GRIA1: variants seen among roughly 807,000 people sequenced by gnomAD.
GRIA1 encodes glutamate receptor 1.
GRIA1 carries 31 observed loss-of-function variants against 99.2 expected under a neutral mutation model. That is an observed-to-expected ratio of 0.31 (90% CI 0.23 to 0.42). The LOEUF (loss-of-function observed/expected upper bound fraction) is 0.42. GRIA1 is among the 10% of genes least tolerant of loss of function. The pLI is 1.00. For synonymous variants in GRIA1, 438 were observed against 432.4 expected (o/e 1.01, Z -0.16); for missense variants, 782 against 1,157.5 (o/e 0.68, Z 4.71).
rs893174548 is a variant in GRIA1, at chr5:153,727,187, C to CG, written c.1823+21120_1823+21121insG. Among the ~76,000 whole-genome samples the CG allele has an allele frequency of 1.2e-4, 18 of 152,250 alleles. No homozygotes were observed. In the South Asian group the frequency reaches 3.3e-3, roughly 28 times the overall value. ...AAAGGCCTTTGACAAAATTCAACAACCTTCATGCTAAAAACTATCAATAAA... is the reference window on the plus strand; with the variant it reads ...AAAGGCCTTTGACAAAATTCAACAACGCTTCATGCTAAAAACTATCAATAAA... On this transcript the variant is annotated intron_variant, in intron 11 of 15. Coordinates refer to ENST00000285900, the MANE Select transcript of GRIA1 (RefSeq NM_000827.4).
intron 13 of GRIA1, among the ~76,000 whole-genome samples, chr5:153,786,423 A>C (rs1764967761): frequency 6.6e-6 from 1 of 151,796 alleles, no homozygotes; most frequent in Non-Finnish European, 1.5e-5. Context: ...ATAACCCTTT[A>C]TTTTAAAATC....
intron 13 of GRIA1, among the ~76,000 whole-genome samples, chr5:153,773,172 A>G (rs993698741): frequency 1.2e-4 from 19 of 152,206 alleles, no homozygotes; most frequent in Admixed American, 4.6e-4. Context: ...CCCTTGCAAC[A>G]TGACTATGAA....
chr5:153,698,748 AG>A (rs1758299956), intron 9 of GRIA1, 118 bp from the exon 10 acceptor site: 1 of 686,390 alleles, frequency 1.5e-6, no homozygotes, highest in East Asian at 2.6e-5. Flanking sequence ...AAGTGAATTG[AG>A]GGGCTAGAGA....
At chr5:153,564,418 A>C (rs1341114336) in intron 2 of GRIA1, among the ~76,000 whole-genome samples, 3 of 152,224 alleles carry the variant, frequency 2.0e-5, no homozygotes, top group African/African-American at 7.2e-5. Flanking sequence ...CTGTTGCTGC[A>C]TAACAAATTG....
intron 2 of GRIA1, among the ~76,000 whole-genome samples, chr5:153,507,461 A>C (rs1423132489): frequency 1.3e-5 from 2 of 152,174 alleles, no homozygotes; most frequent in Non-Finnish European, 2.9e-5. Flanking sequence ...TCAACATATC[A>C]AAACCAGAAC....
In GRIA1 at chr5:153,650,442, C is replaced by A. The variant is rs1182330453; in HGVS notation, c.573C>A (p.Asp191Glu). Reference sequence around the variant, plus strand: ...AGGGATACCGGATGCTCTTTCAGGACCTGGAGAAGAAAAAGGAGCGGCTGG... The same window carrying A: ...AGGGATACCGGATGCTCTTTCAGGAACTGGAGAAGAAAAAGGAGCGGCTGG... ...TEEGYRMLFQDLEKKKERLVV... is the reference protein window; with the variant it reads ...TEEGYRMLFQELEKKKERLVV... Residue 191 changes from aspartate (D) to glutamate (E), a missense_variant, in exon 4 of 16, where the codon GAC becomes GAA. Transcript: ENST00000285900. 9.3e-6 allele frequency: 15 copies of A among 1,613,782 alleles called. No homozygotes were observed. The highest frequency in any genetic ancestry group is 1.3e-5 in the Non-Finnish European group (15 of 1,179,932).
rs141493080 is a variant in GRIA1, at chr5:153,512,718, G to A, written c.220+18653G>A. Among the ~76,000 whole-genome samples the A allele has an allele frequency of 6.4e-3, 979 of 152,282 alleles. 4 individuals are homozygous for A. The highest frequency in any genetic ancestry group is 9.0e-3 in the Non-Finnish European group (613 of 68,024). ...CACCGTTAGAAAGTCATCTAATTGC[G>A]TTTAAACTTGTTCTCTCCAGCATCC... is the stretch of plus-strand genomic sequence containing the variant. On this transcript the variant is annotated intron_variant, in intron 2 of 15. Transcript: ENST00000285900.
At chr5:153,584,747 A>G (rs1430113977) in intron 2 of GRIA1, among the ~76,000 whole-genome samples, 1 of 152,194 alleles carries the variant, frequency 6.6e-6, no homozygotes, top group African/African-American at 2.4e-5. Flanking sequence ...CAGGAATGTC[A>G]TGTTTTGAAA....
chr5:153,540,289 T>C (rs996164220), intron 2 of GRIA1, among the ~76,000 whole-genome samples: 3 of 152,228 alleles, frequency 2.0e-5, no homozygotes, highest in African/African-American at 7.2e-5. Flanking sequence ...AAGGAAGACT[T>C]CTATGAATGC....
upstream of GRIA1, chr5:153,489,893 T>C: frequency 2.2e-6 from 1 of 454,708 alleles, no homozygotes. Context: ...TATAGACTCC[T>C]GTGGAATGCA....
At chr5:153,628,317 G>T (rs1425875173) in intron 2 of GRIA1, among the ~76,000 whole-genome samples, 1 of 152,186 alleles carries the variant, frequency 6.6e-6, no homozygotes, top group Non-Finnish European at 1.5e-5. Flanking sequence ...CTTTTCCGAA[G>T]GCAGGACGGC....
intron 2 of GRIA1, among the ~76,000 whole-genome samples, chr5:153,607,262 T>C (rs1332343083): frequency 6.6e-6 from 1 of 151,772 alleles, no homozygotes; most frequent in Admixed American, 6.6e-5. Flanking sequence ...GCTTGGTTGC[T>C]CTCATATTTT....
chr5:153,528,975 T>C (rs1757859049), intron 2 of GRIA1, among the ~76,000 whole-genome samples: 1 of 152,154 alleles, frequency 6.6e-6, no homozygotes, highest in African/African-American at 2.4e-5. Context: ...AGTCTCCCCA[T>C]CTTTCCGACC....
intron 2 of GRIA1, among the ~76,000 whole-genome samples, chr5:153,588,986 A>G (rs1239241588): frequency 1.3e-5 from 2 of 152,210 alleles, no homozygotes; most frequent in African/African-American, 4.8e-5. Context: ...AAATAAATGA[A>G]TAAAGAAATG....
intron 2 of GRIA1, among the ~76,000 whole-genome samples, chr5:153,616,468 T>TA (rs11410968): frequency 0.15 from 22,135 of 147,772 alleles, 1,746 homozygotes; most frequent in Middle Eastern, 0.21. Context: ...AATGATGAGC[T>TA]AAAAAAAAAA....
intron 2 of GRIA1, among the ~76,000 whole-genome samples, chr5:153,509,848 T>G (rs1042540072): frequency 1.3e-5 from 2 of 152,172 alleles, no homozygotes; most frequent in Admixed American, 1.3e-4. Flanking sequence ...TTTGTTCAAT[T>G]TAATTGTTTG....
rs35636352 is a variant in GRIA1, at chr5:153,500,610, T to TACACAC, written c.220+6585_220+6590dup. Among the ~76,000 whole-genome samples the TACACAC allele has an allele frequency of 2.6e-3, 307 of 120,086 alleles. 3 individuals carry two copies. Among genetic ancestry groups the TACACAC allele is most frequent in the East Asian group, 0.016 (63 of 3,938 alleles). The allele number at this position is 120,086 out of a possible 152,430, so 78.8% of individuals were successfully genotyped here. A position where few individuals can be genotyped will look rare whatever the true frequency, so the allele number is the denominator to read the frequency against. On this transcript the variant is annotated intron_variant, in intron 2 of 15. Transcript: ENST00000285900. ...TCTCTCTCTCTCTCCCCCTCTTACA[T>TACACAC]ACACACACACACACACACACACACA...
intron 2 of GRIA1, among the ~76,000 whole-genome samples, chr5:153,592,895 GGA>G (rs988880102): frequency 1.1e-4 from 17 of 152,224 alleles, no homozygotes; most frequent in African/African-American, 3.4e-4. Flanking sequence ...GAAAGAGAGA[GGA>G]GAGAGAGAGA....
At chr5:153,695,175 A>C (rs2149508759) in intron 8 of GRIA1, among the ~76,000 whole-genome samples, 1 of 152,310 alleles carries the variant, frequency 6.6e-6, no homozygotes, top group Non-Finnish European at 1.5e-5. Context: ...CCTAAGCCTA[A>C]GTTTTCCTAT....
Sources: allele counts gnomAD v4.1 joint callset (sites outside exome capture counted in the v4.1 genomes callset), GRCh38; gene constraint gnomAD v4.1.1; transcripts MANE v1.5; gene names NCBI Gene and HGNC (gene_info 2026-07-23, HGNC 2026-07-21).